TTC17: variants seen among roughly 807,000 people sequenced by gnomAD.
The protein encoded by TTC17 is tetratricopeptide repeat domain 17.
A neutral mutation model predicts 143.8 loss-of-function variants in TTC17; 58 were observed. The ratio of observed to expected loss-of-function variants is 0.40; its 90% CI spans 0.33 to 0.50. TTC17 has a LOEUF of 0.50. Ranked by LOEUF, TTC17 falls within the 20% of genes least tolerant of loss-of-function variation. TTC17 has a pLI of 0.49. For synonymous variants in TTC17, 501 were observed against 497.8 expected (o/e 1.01, Z -0.09); for missense variants, 1,273 against 1,392.5 (o/e 0.91, Z 1.37).
intron 21 of TTC17, among the ~76,000 whole-genome samples, chr11:43,484,514 A>G (rs1287477914): frequency 6.6e-6 from 1 of 152,232 alleles, no homozygotes; most frequent in Non-Finnish European, 1.5e-5. Context: ...TGTTATAAAC[A>G]TGTCAGTTTT....
At chr11:43,403,117 C>G (rs1857946973) in intron 10 of TTC17, among the ~76,000 whole-genome samples, 1 of 152,116 alleles carries the variant, frequency 6.6e-6, no homozygotes, top group South Asian at 2.1e-4. Flanking sequence ...GATTATAGCT[C>G]TTTATCTTAA....
chr11:43,435,206 A>G (rs756059048), intron 16 of TTC17: 5 of 152,224 alleles, frequency 3.3e-5, no homozygotes, highest in Non-Finnish European at 7.3e-5. Context: ...AAAGGAGAAC[A>G]GCTACTTACA....
intron 21 of TTC17, among the ~76,000 whole-genome samples, chr11:43,487,963 T>C (rs1948408904): frequency 1.3e-5 from 2 of 152,216 alleles, no homozygotes; most frequent in Admixed American, 6.5e-5. Flanking sequence ...CTAATAGCCT[T>C]ATTTTAACTT....
At chr11:43,486,144 C>A (rs1590508551) in intron 21 of TTC17, among the ~76,000 whole-genome samples, 1 of 135,514 alleles carries the variant, frequency 7.4e-6, no homozygotes, top group African/African-American at 2.9e-5. Flanking sequence ...AGTCTGCATA[C>A]AATACGCCAT....
At chr11:43,438,169 A>AG (rs1359422153) in intron 16 of TTC17, among the ~76,000 whole-genome samples, 2 of 152,144 alleles carry the variant, frequency 1.3e-5, no homozygotes, top group Non-Finnish European at 2.9e-5. Context: ...TATGGTGGTA[A>AG]TCTTTTTTTG....
chr11:43,476,866 T>G (rs1372396855), intron 21 of TTC17, among the ~76,000 whole-genome samples: 7 of 151,604 alleles, frequency 4.6e-5, no homozygotes, highest in Non-Finnish European at 7.4e-5. Flanking sequence ...TATGCAGATT[T>G]CTGCAGCTGG....
At position 43,451,252 on chromosome 11, in the gene TTC17, A is replaced by C; in HGVS notation, c.3017A>C (p.Lys1006Thr). 1 of 1,613,456 alleles carries C rather than the reference A, an allele frequency of 6.2e-7. No homozygotes were observed. The highest frequency in any genetic ancestry group is 8.5e-7 in the Non-Finnish European group (1 of 1,179,422). ...SLEQIGTRIA[K>T]VLEKNQTSWV... ...GAACAGATTGGCACCCGAATTGCCA[A>C]AGTTTTGGAAAAGGTAAGTCACCCC... The change falls in exon 21 of 24, where the codon AAA (lysine) becomes ACA (threonine). Residue 1006 changes from lysine to threonine, a missense_variant. By Grantham distance (78) the Lys-to-Thr change is moderately conservative. Around this residue, in one of 3 missense-constraint regions of TTC17, gnomAD observed 878 missense variants for 899.8 expected, o/e 0.98. Coordinates refer to ENST00000039989, the MANE Select transcript of TTC17 (RefSeq NM_018259.6).
chr11:43,435,647 G>T (rs1947275701), intron 16 of TTC17, among the ~76,000 whole-genome samples: 3 of 152,186 alleles, frequency 2.0e-5, no homozygotes, highest in Non-Finnish European at 4.4e-5. Context: ...TTATATTGCA[G>T]CCTTAATTGT....
At chr11:43,390,782 A>G (rs1318032692) in intron 3 of TTC17, among the ~76,000 whole-genome samples, 1 of 152,144 alleles carries the variant, frequency 6.6e-6, no homozygotes, top group Non-Finnish European at 1.5e-5. Flanking sequence ...AAAAAGTACA[A>G]ATGAAAACAT....
At chr11:43,413,027 C>CACACACAA (rs1488726585) in intron 15 of TTC17, among the ~76,000 whole-genome samples, 11 of 116,998 alleles carry the variant, frequency 9.4e-5, no homozygotes, top group Admixed American at 9.0e-4. Context: ...CACACACACA[C>CACACACAA]AAATGGGGGC....
intron 21 of TTC17, among the ~76,000 whole-genome samples, chr11:43,459,093 C>T (rs1947817323): frequency 6.6e-6 from 1 of 152,162 alleles, no homozygotes; most frequent in Non-Finnish European, 1.5e-5. Context: ...TACAGCTTCT[C>T]TTCAACTGTA....
At chr11:43,413,026 AC>A (rs376652247) in intron 15 of TTC17, among the ~76,000 whole-genome samples, 9,721 of 134,000 alleles carry the variant, frequency 0.073, 372 homozygotes, top group Middle Eastern at 0.11. Flanking sequence ...ACACACACAC[AC>A]AAATGGGGGC....
At chr11:43,478,978 C>T (rs920937167) in intron 21 of TTC17, among the ~76,000 whole-genome samples, 1 of 152,160 alleles carries the variant, frequency 6.6e-6, no homozygotes, top group African/African-American at 2.4e-5. Context: ...TGGTGGCTCA[C>T]GCCTGTATTC....
At chr11:43,477,531 G>A (rs1948207461) in intron 21 of TTC17, among the ~76,000 whole-genome samples, 1 of 152,170 alleles carries the variant, frequency 6.6e-6, no homozygotes, top group Non-Finnish European at 1.5e-5. Flanking sequence ...CTTCTTACAT[G>A]GTGGTGGCAA....
chr11:43,468,553 G>A (rs533607254), intron 21 of TTC17, among the ~76,000 whole-genome samples: 5 of 152,096 alleles, frequency 3.3e-5, no homozygotes, highest in Non-Finnish European at 4.4e-5. Flanking sequence ...CAAAACATAA[G>A]ATGTTCTCTT....
chr11:43,413,081 A>G (rs946265638), intron 15 of TTC17, among the ~76,000 whole-genome samples: 8 of 151,922 alleles, frequency 5.3e-5, no homozygotes, highest in African/African-American at 1.9e-4. Flanking sequence ...TTATTACCAG[A>G]TTTTGAGATT....
chr11:43,418,204 A>G (rs376794718), intron 16 of TTC17, among the ~76,000 whole-genome samples: 19 of 152,352 alleles, frequency 1.2e-4, no homozygotes, highest in African/African-American at 3.4e-4. Context: ...TAACCTACAA[A>G]TCAATGTATT....
At chr11:43,464,665 A>T (rs1000146357) in intron 21 of TTC17, among the ~76,000 whole-genome samples, 1 of 152,210 alleles carries the variant, frequency 6.6e-6, no homozygotes, top group Non-Finnish European at 1.5e-5. Context: ...CAGAAAAGAA[A>T]ATGAAAGCAG....
intron 5 of TTC17, among the ~76,000 whole-genome samples, chr11:43,394,068 A>T (rs1051758300): frequency 6.6e-6 from 1 of 152,194 alleles, no homozygotes; most frequent in Non-Finnish European, 1.5e-5. Context: ...AATCCTTATG[A>T]CTTCATTTAG....
Sources: gnomAD v4.1 joint callset for allele counts (sites outside exome capture counted in the v4.1 genomes callset) on GRCh38, gnomAD v4.1.1 for gene constraint, gnomAD v4.1.1 regional missense constraint, MANE v1.5 for transcripts, NCBI Gene and HGNC (gene_info 2026-07-23, HGNC 2026-07-21) for gene names.